The following RBP7 variants were observed in gnomAD, a reference collection of about 807,000 sequenced individuals.
The protein encoded by RBP7 is retinol binding protein 7.
RBP7 carries 13 observed loss-of-function variants against 16.7 expected under a neutral mutation model. The observed-to-expected ratio is 0.78, with a 90% CI of 0.51 to 1.24. The LOEUF (loss-of-function observed/expected upper bound fraction) is 1.24, where lower values mean the gene tolerates loss of function less well. Among genes scored for constraint, RBP7 ranks in the 50% most tolerant of loss-of-function variants. RBP7 has a pLI of 0.00. For synonymous variants in RBP7, 54 were observed against 56.2 expected (o/e 0.96, Z 0.17); for missense variants, 145 against 159.5 (o/e 0.91, Z 0.49).
chr1:10,002,815 C>T (rs1279902442), intron 1 of RBP7, among the ~76,000 whole-genome samples: 1 of 152,072 alleles, frequency 6.6e-6, no homozygotes, highest in Non-Finnish European at 1.5e-5. Flanking sequence ...AGAACTTATG[C>T]TAATTCAAAG....
intron 1 of RBP7, among the ~76,000 whole-genome samples, chr1:10,002,635 G>T (rs1642309575): frequency 6.6e-6 from 1 of 151,992 alleles, no homozygotes; most frequent in Non-Finnish European, 1.5e-5. Context: ...CAGCAGCCAG[G>T]ACTGCAGGTG....
intron 1 of RBP7, among the ~76,000 whole-genome samples, chr1:10,000,146 T>C (rs1161005301): frequency 1.3e-5 from 2 of 152,006 alleles, no homozygotes; most frequent in African/African-American, 4.8e-5. Flanking sequence ...GAGAATTGCT[T>C]GAACCCAGAA....
chr1:10,007,291 C>T (rs1165517797), intron 1 of RBP7: 1 of 363,842 alleles, frequency 2.7e-6, no homozygotes. Context: ...GCTATGTTGC[C>T]CAGGCTGGTC....
Position 10,015,846 on chromosome 1 carries a change from G to A in RBP7, c.*14G>A. 1 of 1,613,126 alleles carries A rather than the reference G, an allele frequency of 6.2e-7. No individual in the cohort carries two copies. The highest frequency in any genetic ancestry group is 8.5e-7 in the Non-Finnish European group (1 of 1,179,146). On this transcript the variant is annotated 3_prime_UTR_variant, in exon 4 of 4. Coordinates refer to ENST00000294435, the MANE Select transcript of RBP7 (RefSeq NM_052960.3). Reference sequence around the variant, plus strand: ...CAGAGAGCCTGATCCACATCCAGCAGCAGAGCCCACTTGTGGCTGCAGCTT... The same window carrying A: ...CAGAGAGCCTGATCCACATCCAGCAACAGAGCCCACTTGTGGCTGCAGCTT...
chr1:10,000,099 T>C (rs996295155), intron 1 of RBP7, among the ~76,000 whole-genome samples: 2 of 151,538 alleles, frequency 1.3e-5, no homozygotes, highest in African/African-American at 4.9e-5. Flanking sequence ...CATGATGGCA[T>C]GCACCTGTAA....
At chr1:10,008,085 G>C in intron 2 of RBP7, 88 bp from the exon 3 acceptor site, 1 of 800,894 alleles carries the variant, frequency 1.2e-6, no homozygotes, top group Admixed American at 2.3e-5. Context: ...GTAGGCTGTT[G>C]ATTTTGCAAG....
intron 1 of RBP7, among the ~76,000 whole-genome samples, chr1:10,003,346 A>C (rs571923624): frequency 6.6e-6 from 1 of 152,172 alleles, no homozygotes; most frequent in Non-Finnish European, 1.5e-5. Context: ...GAATCATTTG[A>C]ATCCGGAGGC....
chr1:10,005,586 C>T (rs1436330108), intron 1 of RBP7, among the ~76,000 whole-genome samples: 10 of 148,928 alleles, frequency 6.7e-5, no homozygotes, highest in African/African-American at 1.5e-4. Flanking sequence ...TTTTTTGAGA[C>T]GGAGTCTTGC....
rs1642486870 is a variant in RBP7 at position 10,007,768 on chromosome 1, C to G, written c.252+20C>G. The G allele has an allele frequency of 8.1e-6, 13 of 1,608,200 alleles. No homozygotes were observed. The highest frequency in any genetic ancestry group is 1.1e-5 in the Non-Finnish European group (13 of 1,176,962). Reference sequence around the variant, plus strand: ...TGCAAGGTAAAATGTAAAGAAATGCCAGGTGCGGTGGATTACGCTTGTAAT... The same window carrying G: ...TGCAAGGTAAAATGTAAAGAAATGCGAGGTGCGGTGGATTACGCTTGTAAT... On this transcript the variant is annotated intron_variant, in intron 2 of 3. Coordinates refer to ENST00000294435, the MANE Select transcript of RBP7 (RefSeq NM_052960.3).
chr1:10,011,666 T>G (rs534632470), intron 3 of RBP7, among the ~76,000 whole-genome samples: 1 of 152,302 alleles, frequency 6.6e-6, no homozygotes, highest in East Asian at 1.9e-4. Context: ...TAGAGCACTG[T>G]CCTTAAAGTT....
At chr1:10,001,388 C>T (rs1021392827) in intron 1 of RBP7, among the ~76,000 whole-genome samples, 10 of 152,124 alleles carry the variant, frequency 6.6e-5, no homozygotes, top group African/African-American at 2.2e-4. Flanking sequence ...TCACTGCAGC[C>T]TTCACTTCCT....
chr1:10,014,531 C>A (rs780872711), intron 3 of RBP7, among the ~76,000 whole-genome samples: 1 of 151,896 alleles, frequency 6.6e-6, no homozygotes, highest in Non-Finnish European at 1.5e-5. Context: ...GGATTACAGG[C>A]ATGCACCACC....
rs745833658 is a variant in RBP7 at position 9,997,232 on chromosome 1, G to A, written c.-27G>A. On this transcript the variant is annotated 5_prime_UTR_variant, in exon 1 of 4. Coordinates refer to ENST00000294435, the MANE Select transcript of RBP7 (RefSeq NM_052960.3). The surrounding 1 kb of genome is among the most constrained non-coding windows in gnomAD (Gnocchi z 5.9). The stretch of plus-strand genomic sequence containing the variant: ...TCCCGGCCCGAGCCTCCGGCCGCCC[G>A]CCGGGTTTGTCCCGCGATCCCCGAC... 28 of 1,278,190 alleles carry A rather than the reference G, an allele frequency of 2.2e-5. No individual in the cohort carries two copies. Among genetic ancestry groups the A allele is most frequent in the African/African-American group, 1.7e-4 (10 of 58,348 alleles). 79.2% of individuals were successfully genotyped at this position (1,278,190 alleles called of 1,614,324 possible). A position where few individuals can be genotyped will look rare whatever the true frequency, so the allele number is the denominator to read the frequency against.
rs557099917 is a variant in RBP7 at position 9,998,703 on chromosome 1, G to C, written c.73+1372G>C. Among the ~76,000 whole-genome samples the C allele has an allele frequency of 5.3e-5, 8 of 151,826 alleles. No individual in the cohort carries two copies. The East Asian group carries it at 1.4e-3, about 26-fold the overall frequency. On this transcript the variant is annotated intron_variant, in intron 1 of 3. Coordinates refer to ENST00000294435, the MANE Select transcript of RBP7 (RefSeq NM_052960.3). ...GATTACAGGCGTGAGGCACCGCACC[G>C]GCCAATTTTTGTTTTCTTAACCTTA... is the stretch of plus-strand genomic sequence containing the variant.
intron 2 of RBP7, 102 bp downstream of exon 2, chr1:10,007,850 C>A: frequency 9.5e-7 from 1 of 1,050,412 alleles, no homozygotes; most frequent in Non-Finnish European, 1.4e-6. Flanking sequence ...AGTTTGAGAC[C>A]AGCCTGGGCA....
intron 3 of RBP7, among the ~76,000 whole-genome samples, chr1:10,012,015 A>G (rs1476641422): frequency 6.6e-6 from 1 of 151,966 alleles, no homozygotes; most frequent in African/African-American, 2.4e-5. Context: ...CAGCCTGACC[A>G]ACATGGAGAA....
intron 1 of RBP7, among the ~76,000 whole-genome samples, chr1:10,003,483 G>C (rs1434073528): frequency 6.6e-6 from 1 of 152,178 alleles, no homozygotes; most frequent in Non-Finnish European, 1.5e-5. Context: ...TACTCTGCAT[G>C]TAACTAGAAG....
rs1642766629 is a variant in RBP7, at chr1:10,015,982, TG to T, written c.*154del. ...GTGTAACCTGAAGTCATCTAGATTATGGGGAAACTGCTCAGCTTCAATAAAC... is the reference window on the plus strand; with the variant it reads ...GTGTAACCTGAAGTCATCTAGATTATGGGAAACTGCTCAGCTTCAATAAAC... On this transcript the variant is annotated 3_prime_UTR_variant, in exon 4 of 4. Coordinates refer to ENST00000294435, the MANE Select transcript of RBP7 (RefSeq NM_052960.3). 1 of 646,102 alleles carries T rather than the reference TG, an allele frequency of 1.5e-6. No individual in the cohort carries two copies. The highest frequency in any genetic ancestry group is 2.7e-5 in the East Asian group (1 of 36,690). The allele number at this position is 646,102 out of a possible 1,614,324, so 40.0% of individuals were successfully genotyped here.
intron 3 of RBP7, among the ~76,000 whole-genome samples, chr1:10,013,784 C>T (rs566359454): frequency 4.6e-5 from 7 of 151,582 alleles, no homozygotes; most frequent in Non-Finnish European, 8.8e-5. Context: ...CACTCCAGCC[C>T]GGGCAACAAG....
Sources: allele counts gnomAD v4.1 joint callset (sites outside exome capture counted in the v4.1 genomes callset), GRCh38; gene constraint gnomAD v4.1.1; non-coding constraint Gnocchi (gnomAD v3.1); transcripts MANE v1.5; gene names NCBI Gene and HGNC (gene_info 2026-07-23, HGNC 2026-07-21).